The following HECW2 variants were observed in gnomAD, a reference collection of about 807,000 sequenced individuals.
HECW2 encodes the protein E3 ubiquitin-protein ligase HECW2.
Under a neutral mutation model 175.2 loss-of-function variants are expected in HECW2, and 61 were observed. The ratio of observed to expected loss-of-function variants is 0.35; its 90% CI spans 0.28 to 0.43. HECW2 has a LOEUF of 0.43. HECW2 is among the 20% of genes least tolerant of loss of function. HECW2 has a pLI of 1.00. For missense variants in HECW2, 1,524 were observed against 2,000.5 expected (o/e 0.76, Z 4.54); for synonymous variants, 671 against 731.0 (o/e 0.92, Z 1.32).
intron 13 of HECW2, among the ~76,000 whole-genome samples, chr2:196,299,905 G>C (rs1041940406): frequency 3.3e-5 from 5 of 149,654 alleles, no homozygotes; most frequent in Non-Finnish European, 7.4e-5. Context: ...CTCCAGCCTG[G>C]GCGACAGAGC....
rs368461734 is a variant in HECW2 at position 196,524,738 on chromosome 2, C to A, written c.-36+68770G>T. 3.2e-4 allele frequency among the ~76,000 whole-genome samples: 38 copies of A among 119,872 alleles called. 3 individuals are homozygous for A. Among genetic ancestry groups the A allele is most frequent in the Admixed American group, 7.6e-4 (10 of 13,116 alleles). The allele number at this position is 119,872 out of a possible 152,430, so 78.6% of individuals were successfully genotyped here. ...TCTGCCTTCATTTTGTTATGTACCC[C>A]GTAGTCATTCAGGAGCAGGTTGTTC... On this transcript the variant is annotated intron_variant, in intron 1 of 28. Coordinates refer to ENST00000644978, the MANE Select transcript of HECW2 (RefSeq NM_001348768.2).
chr2:196,519,546 A>G (rs562476696), intron 1 of HECW2, among the ~76,000 whole-genome samples: 7 of 152,208 alleles, frequency 4.6e-5, no homozygotes, highest in Non-Finnish European at 8.8e-5. Flanking sequence ...TTATACCAGA[A>G]AAAAAATTTT....
At chr2:196,447,704 C>T (rs898100150) in intron 1 of HECW2, among the ~76,000 whole-genome samples, 5 of 152,134 alleles carry the variant, frequency 3.3e-5, no homozygotes, top group African/African-American at 7.2e-5. Context: ...AATCAAATAT[C>T]GTATTGTGCT....
chr2:196,361,793 G>T (rs1305094367), intron 2 of HECW2: 6 of 984,184 alleles, frequency 6.1e-6, no homozygotes, highest in Non-Finnish European at 7.2e-6. Context: ...TCATTCCACA[G>T]CACTTTCCAA....
intron 22 of HECW2, among the ~76,000 whole-genome samples, chr2:196,226,550 GC>G (rs1687858421): frequency 1.3e-5 from 2 of 152,130 alleles, no homozygotes; most frequent in African/African-American, 4.8e-5. Flanking sequence ...CAACAATGTA[GC>G]ACCCCACATT....
intron 2 of HECW2, among the ~76,000 whole-genome samples, chr2:196,399,078 T>C (rs753724610): frequency 2.0e-5 from 3 of 152,234 alleles, no homozygotes; most frequent in Non-Finnish European, 2.9e-5. Context: ...CATGATGACA[T>C]ATTGGCCCCC....
chr2:196,536,471 C>T (rs1689026531), intron 1 of HECW2, among the ~76,000 whole-genome samples: 1 of 152,190 alleles, frequency 6.6e-6, no homozygotes, highest in Non-Finnish European at 1.5e-5. Context: ...TAAAAGTTGG[C>T]ATGCTCAGCC....
intron 1 of HECW2, among the ~76,000 whole-genome samples, chr2:196,490,416 G>C (rs1338909240): frequency 2.0e-5 from 3 of 152,070 alleles, no homozygotes; most frequent in Non-Finnish European, 2.9e-5. Context: ...TCACAAAGAT[G>C]CTCTCATTTG....
At chr2:196,225,750 C>G (rs1468977202) in intron 23 of HECW2, 22 bp downstream of exon 23, 1 of 1,409,656 alleles carries the variant, frequency 7.1e-7, no homozygotes, top group Non-Finnish European at 1.0e-6. Context: ...GCTAATTATG[C>G]AGGCAATAAA....
At chr2:196,332,371 A>T (rs1450822450) in intron 4 of HECW2, among the ~76,000 whole-genome samples, 1 of 152,198 alleles carries the variant, frequency 6.6e-6, no homozygotes, top group East Asian at 1.9e-4. Flanking sequence ...GGTGCCCATG[A>T]GGTACAGCCT....
intron 1 of HECW2, among the ~76,000 whole-genome samples, chr2:196,451,955 G>T (rs1019660852): frequency 1.3e-5 from 2 of 152,142 alleles, no homozygotes; most frequent in African/African-American, 4.8e-5. Flanking sequence ...TTCTCCAATT[G>T]GTCTTCATGG....
chr2:196,336,310 C>T (rs370356297), intron 3 of HECW2, among the ~76,000 whole-genome samples: 5 of 152,216 alleles, frequency 3.3e-5, no homozygotes, highest in East Asian at 3.9e-4. Context: ...TTTTCCAAGA[C>T]GAATAGCATG....
chr2:196,246,363 G>A (rs1688642471), intron 19 of HECW2, among the ~76,000 whole-genome samples: 1 of 151,966 alleles, frequency 6.6e-6, no homozygotes, highest in African/African-American at 2.4e-5. Context: ...GGAACTGAAC[G>A]AAAATCTTTT....
At chr2:196,391,898 A>G (rs567872780) in intron 2 of HECW2, among the ~76,000 whole-genome samples, 4 of 152,238 alleles carry the variant, frequency 2.6e-5, no homozygotes, top group Admixed American at 6.5e-5. Context: ...GAATCTGTCC[A>G]GTCTCTGCCT....
chr2:196,297,631 A>C (rs1690868603), intron 13 of HECW2, among the ~76,000 whole-genome samples: 1 of 152,234 alleles, frequency 6.6e-6, no homozygotes, highest in Non-Finnish European at 1.5e-5. Flanking sequence ...AGTTAAGTAC[A>C]TTACTGATAA....
At chr2:196,458,596 G>A (rs888640212) in intron 1 of HECW2, among the ~76,000 whole-genome samples, 2 of 152,102 alleles carry the variant, frequency 1.3e-5, no homozygotes, top group Non-Finnish European at 1.5e-5. Context: ...GGCTGGGCGT[G>A]GTGGCTCACA....
In HECW2 at chr2:196,220,115, T is replaced by C; in HGVS notation, c.4332A>G (p.Arg1444=). ...DARLVSVFDA[R]ELELVIAGTA... ...TGCCTGCGATGACCAATTCCAGTTC[T>C]CTTGCATCAAAAACAGATACCAGCC... is the stretch of plus-strand genomic sequence containing the variant. The change falls in exon 26 of 29, where the codon AGA becomes AGG. Residue 1444 remains arginine (R), a synonymous_variant. Transcript: ENST00000644978. The C allele has an allele frequency of 6.2e-7, 1 of 1,613,730 alleles. No individual in the cohort carries two copies. Among genetic ancestry groups the C allele is most frequent in the Non-Finnish European group, 8.5e-7 (1 of 1,179,888 alleles).
Position 196,282,606 on chromosome 2 carries a change from G to A in HECW2, c.3001-3944C>T, listed in dbSNP as rs531058958. On this transcript the variant is annotated intron_variant, in intron 14 of 28. Coordinates refer to ENST00000644978, the MANE Select transcript of HECW2 (RefSeq NM_001348768.2). ...TCAAAGATTTTCTGTTTGGCAATTG[G>A]TTATTATCTAAAGATCTGGAATCAA... is the stretch of plus-strand genomic sequence containing the variant. Among the ~76,000 whole-genome samples, 4 of 152,326 alleles carry A rather than the reference G, an allele frequency of 2.6e-5. No individual in the cohort carries two copies. The East Asian group carries it at 7.7e-4, about 29-fold the overall frequency.
At chr2:196,402,013 A>T (rs1384315141) in intron 2 of HECW2, among the ~76,000 whole-genome samples, 1 of 152,086 alleles carries the variant, frequency 6.6e-6, no homozygotes, top group East Asian at 1.9e-4. Flanking sequence ...ATCCTGGCTA[A>T]CATGGTGAAA....
Sources: gnomAD v4.1 joint callset for allele counts (sites outside exome capture counted in the v4.1 genomes callset) on GRCh38, gnomAD v4.1.1 for gene constraint, MANE v1.5 for transcripts, NCBI Gene and HGNC (gene_info 2026-07-23, HGNC 2026-07-21) for gene names.